Variants in SLC5A11 observed in about 807,000 individuals in gnomAD.
SLC5A11 encodes solute carrier family 5 member 11, also known as sodium/myo-inositol cotransporter 2.
A neutral mutation model predicts 69.8 loss-of-function variants in SLC5A11; 48 were observed. The ratio of observed to expected loss-of-function variants is 0.69; its 90% CI spans 0.55 to 0.87. The LOEUF (loss-of-function observed/expected upper bound fraction) is 0.87. SLC5A11 is among the 40% of genes least tolerant of loss of function. The pLI, the probability that SLC5A11 is intolerant of heterozygous loss-of-function variation, is 0.00. For synonymous variants in SLC5A11, 319 were observed against 342.4 expected, an observed-to-expected ratio of 0.93 and a Z score of 0.75; for missense variants, 784 against 866.1, an observed-to-expected ratio of 0.91 and a Z score of 1.19.
At chr16:24,887,209 G>T (rs1330312580) in intron 8 of SLC5A11, among the ~76,000 whole-genome samples, 2 of 152,170 alleles carry the variant, frequency 1.3e-5, no homozygotes, top group African/African-American at 4.8e-5. Flanking sequence ...GGACCTATGT[G>T]CCTGTCTTGA....
At chr16:24,891,200 C>A (rs555143454) in intron 9 of SLC5A11, 126 bp downstream of exon 10, 4 of 839,720 alleles carry the variant, frequency 4.8e-6, no homozygotes. Flanking sequence ...TCCTTGACTA[C>A]TTCCTCCTTT....
Position 24,849,724 on chromosome 16 carries a change from T to G in SLC5A11, c.-25+3286T>G, listed in dbSNP as rs1160120018. Among the ~76,000 whole-genome samples, 15 of 150,062 alleles carry G rather than the reference T, an allele frequency of 1.0e-4. 1 individual carries two copies. The East Asian group carries it at 3.0e-3, about 30-fold the overall frequency. ...TGGAATAATGAGACAAGATCATCCCTGAAAGGCAGGTGAAGGACAACGCTC... is the reference window on the plus strand; with the variant it reads ...TGGAATAATGAGACAAGATCATCCCGGAAAGGCAGGTGAAGGACAACGCTC... On this transcript the variant is annotated intron_variant, in intron 1 of 15. Transcript: ENST00000347898.
chr16:24,901,549 A>C (rs2049593374), intron 10 of SLC5A11, among the ~76,000 whole-genome samples: 1 of 152,098 alleles, frequency 6.6e-6, no homozygotes, highest in Non-Finnish European at 1.5e-5. Context: ...TGGGAGGTTG[A>C]GGCTGCAGTG....
intron 3 of SLC5A11, among the ~76,000 whole-genome samples, chr16:24,867,269 A>G (rs1234559505): frequency 6.6e-6 from 1 of 152,166 alleles, no homozygotes; most frequent in East Asian, 1.9e-4. Context: ...CTTCTAAATA[A>G]CCAATGGGCC....
At chr16:24,906,621 T>A in intron 10 of SLC5A11, 36 bp from the exon 12 acceptor site, 1 of 1,487,480 alleles carries the variant, frequency 6.7e-7, no homozygotes, top group Non-Finnish European at 9.2e-7. Flanking sequence ...TCTGGGGGCC[T>A]GACTGCTCAC....
chr16:24,879,359 C>T (rs1425458759), intron 7 of SLC5A11, among the ~76,000 whole-genome samples: 1 of 152,030 alleles, frequency 6.6e-6, no homozygotes, highest in Non-Finnish European at 1.5e-5. Flanking sequence ...CTGGTATCCC[C>T]CTCCCTCTCC....
intron 14 of SLC5A11, 79 bp downstream of exon 15, chr16:24,909,175 G>A (rs986470899): frequency 4.7e-5 from 67 of 1,440,002 alleles, no homozygotes; most frequent in Non-Finnish European, 5.9e-5. Context: ...TGACTTAAGC[G>A]AAGGAGACTG....
At chr16:24,873,914 C>T (rs1374249852) in intron 5 of SLC5A11, among the ~76,000 whole-genome samples, 1 of 150,578 alleles carries the variant, frequency 6.6e-6, no homozygotes, top group African/African-American at 2.4e-5. Flanking sequence ...GCAACATCTG[C>T]CTCCTGGGTT....
chr16:24,872,125 T>C, intron 4 of SLC5A11, 35 bp from the exon 6 acceptor site: 1 of 1,613,980 alleles, frequency 6.2e-7, no homozygotes, highest in Non-Finnish European at 8.5e-7. Context: ...TGTTGTGAGC[T>C]GGGGGCCAAG....
intron 2 of SLC5A11, among the ~76,000 whole-genome samples, chr16:24,861,022 C>T (rs2059749248): frequency 6.6e-6 from 1 of 151,780 alleles, no homozygotes; most frequent in Non-Finnish European, 1.5e-5. Flanking sequence ...TGTTAATATG[C>T]ATTTATCTTA....
chr16:24,890,173 AGAT>A (rs2048680731), intron 8 of SLC5A11, among the ~76,000 whole-genome samples: 1 of 152,202 alleles, frequency 6.6e-6, no homozygotes, highest in African/African-American at 2.4e-5. Flanking sequence ...GGACAAGTGT[AGAT>A]GATTTTAGGG....
chr16:24,879,225 A>AT (rs902787610), intron 7 of SLC5A11, among the ~76,000 whole-genome samples: 29 of 150,804 alleles, frequency 1.9e-4, no homozygotes, highest in African/African-American at 6.8e-4. Flanking sequence ...TTCGACTTTG[A>AT]TTTTAGATTC....
At chr16:24,906,798 G>T in intron 11 of SLC5A11, 34 bp downstream of exon 12, 2 of 1,568,122 alleles carry the variant, frequency 1.3e-6, no homozygotes, top group Non-Finnish European at 1.7e-6. Flanking sequence ...CAAGTCCCCT[G>T]GAGCACCCAG....
exon 11 of SLC5A11, chr16:24,906,736 C>G: frequency 6.2e-7 from 1 of 1,613,392 alleles, no homozygotes; most frequent in Non-Finnish European, 8.5e-7. Context: ...TCGCGTATCC[C>G]AAACTCGTGC....
At chr16:24,908,131 G>T in exon 13 of SLC5A11, 6 of 1,584,164 alleles carry the variant, frequency 3.8e-6, no homozygotes, top group African/African-American at 1.4e-5. Context: ...CCAATGAAAA[G>T]GTAGCTCTGG....
At chr16:24,847,018 A>T (rs991524512) in intron 1 of SLC5A11, among the ~76,000 whole-genome samples, 2 of 152,234 alleles carry the variant, frequency 1.3e-5, no homozygotes, top group African/African-American at 4.8e-5. Context: ...GGGTCATTAA[A>T]TAACTTGCTC....
intron 4 of SLC5A11, among the ~76,000 whole-genome samples, chr16:24,870,781 C>CA (rs57742222): frequency 0.092 from 6,135 of 66,462 alleles, 278 homozygotes; most frequent in African/African-American, 0.16. Flanking sequence ...CTCTGTCTCA[C>CA]AAAAAAAAAA....
At chr16:24,847,921 G>C (rs115256762) in intron 1 of SLC5A11, among the ~76,000 whole-genome samples, 3,710 of 152,286 alleles carry the variant, frequency 0.024, 146 homozygotes, top group African/African-American at 0.084. Flanking sequence ...GCTGTGCAGT[G>C]CAGACAAGGG....
At chr16:24,883,737 A>G (rs2048197093) in intron 7 of SLC5A11, among the ~76,000 whole-genome samples, 1 of 152,196 alleles carries the variant, frequency 6.6e-6, no homozygotes, top group African/African-American at 2.4e-5. Context: ...GGGCAACAGG[A>G]GAGTAAGTGC....
Sources: gnomAD v4.1 joint callset for allele counts (sites outside exome capture counted in the v4.1 genomes callset) on GRCh38, gnomAD v4.1.1 for gene constraint, MANE v1.5 for transcripts, NCBI Gene and HGNC (gene_info 2026-07-23, HGNC 2026-07-21) for gene names.